TNS4: variants seen among roughly 807,000 people sequenced by gnomAD.
TNS4 encodes the protein tensin-4.
Under a neutral mutation model 70.4 loss-of-function variants are expected in TNS4, and 46 were observed. That is an observed-to-expected ratio of 0.65 (90% CI 0.52 to 0.84). The LOEUF (loss-of-function observed/expected upper bound fraction) is 0.84, where lower values mean the gene tolerates loss of function less well. Among genes scored for constraint, TNS4 ranks in the 40% least tolerant of loss-of-function variants. TNS4 has a pLI of 0.00. For missense variants in TNS4, 863 were observed against 907.0 expected (o/e 0.95, Z 0.62); for synonymous variants, 390 against 366.6 (o/e 1.06, Z -0.73).
chr17:40,501,185 G>A (rs548075150), intron 1 of TNS4, among the ~76,000 whole-genome samples: 9 of 152,206 alleles, frequency 5.9e-5, no homozygotes, highest in Admixed American at 2.0e-4. Context: ...CTGGGCTCAC[G>A]CCTGTAATTC....
chr17:40,484,761 G>T (rs1023089233), intron 5 of TNS4, 152 bp from the exon 6 acceptor site: 7 of 1,419,206 alleles, frequency 4.9e-6, no homozygotes, highest in Non-Finnish European at 6.7e-6. Context: ...TCTTGCTGTG[G>T]TTCCTACTTC....
At chr17:40,491,585 T>G (rs1409977711) in intron 2 of TNS4, among the ~76,000 whole-genome samples, 1 of 152,050 alleles carries the variant, frequency 6.6e-6, no homozygotes, top group African/African-American at 2.4e-5. Context: ...CTTGGCACAG[T>G]GAAGCTCTGG....
rs769095784 is a variant in TNS4 at position 40,478,634 on chromosome 17, C to T, written c.1925G>A (p.Arg642His). The T allele has an allele frequency of 1.8e-5, 29 of 1,613,966 alleles. No homozygotes were observed. Among genetic ancestry groups the T allele is most frequent in the Admixed American group, 3.3e-5 (2 of 59,992 alleles). Reference sequence around the variant, plus strand: ...GCGGAGGGTGGTGAGTGGGTAATGGCGCCGGAAAAACACCCTAGGAGGAGG... The same window carrying T: ...GCGGAGGGTGGTGAGTGGGTAATGGTGCCGGAAAAACACCCTAGGAGGAGG... ...TDVQRKVFFR[R>H]HYPLTTLRFC... The change falls in exon 11 of 13, where the codon CGC becomes CAC. Residue 642 changes from arginine (R) to histidine (H), a missense_variant. Arg to His is a conservative substitution (Grantham distance 29, BLOSUM62 0). Coordinates refer to ENST00000254051, the MANE Select transcript of TNS4 (RefSeq NM_032865.6).
chr17:40,495,828 T>G (rs2036135132), intron 2 of TNS4, among the ~76,000 whole-genome samples, 159 bp downstream of exon 2: 1 of 152,188 alleles, frequency 6.6e-6, no homozygotes, highest in Admixed American at 6.5e-5. Flanking sequence ...ATTTATCCCC[T>G]TTGTGTAGCA....
At position 40,479,739 on chromosome 17, in the gene TNS4, G is replaced by A. The variant is rs772411955; in HGVS notation, c.1845C>T (p.Pro615=). ...CTTTGAAGTGGACCACGGTGGGCGT[G>A]GGGAGGATGTCCCTCTCAAAGGTGG... ...ISTTFERDIL[P]TPTVVHFKVT... is the part of the protein sequence containing the mutation. The change falls in exon 10 of 13, where the codon CCC becomes CCT. Residue 615 remains proline, a synonymous_variant. Transcript: ENST00000254051. 1 of 1,614,076 alleles carries A rather than the reference G, an allele frequency of 6.2e-7. No individual in the cohort carries two copies. Among genetic ancestry groups the A allele is most frequent in the East Asian group, 2.2e-5 (1 of 44,874 alleles).
intron 8 of TNS4, among the ~76,000 whole-genome samples, chr17:40,481,774 A>G (rs944127256): frequency 3.9e-5 from 6 of 152,268 alleles, no homozygotes; most frequent in African/African-American, 1.2e-4. Flanking sequence ...TGGACCTGGA[A>G]AGAGAAAACC....
At chr17:40,483,204 ATTATT>A (rs111622473) in intron 6 of TNS4, among the ~76,000 whole-genome samples, 4 of 151,572 alleles carry the variant, frequency 2.6e-5, no homozygotes, top group African/African-American at 4.9e-5. Context: ...CGGCCTAGGG[ATTATT>A]TTATTTTATT....
intron 2 of TNS4, among the ~76,000 whole-genome samples, chr17:40,495,613 G>T (rs2036131372): frequency 6.6e-6 from 1 of 152,134 alleles, no homozygotes; most frequent in African/African-American, 2.4e-5. Context: ...TTTCAGGGGG[G>T]CCCAGGTTAG....
chr17:40,487,405 A>G lies in TNS4; in HGVS notation c.919T>C (p.Leu307=). Residue 307 remains leucine (L), a synonymous_variant, in exon 4 of 13, where the codon TTG becomes CTG. Coordinates refer to ENST00000254051, the MANE Select transcript of TNS4 (RefSeq NM_032865.6). The part of the protein sequence containing the change: ...NSSHQSSSRS[L]ESPANSSSSL... ...GAGGAAGAGTTGGCTGGACTTTCCA[A>G]GGATCTGGAAGATGACTGATGGCTG... The G allele has an allele frequency of 6.2e-7, 1 of 1,613,742 alleles. No individual in the cohort carries two copies. The highest frequency in any genetic ancestry group is 8.5e-7 in the Non-Finnish European group (1 of 1,179,716).
chr17:40,483,753 C>A (rs1310168329), intron 6 of TNS4, among the ~76,000 whole-genome samples: 1 of 152,216 alleles, frequency 6.6e-6, no homozygotes, highest in East Asian at 1.9e-4. Context: ...GGCATACTGT[C>A]AAGAACACAA....
intron 2 of TNS4, among the ~76,000 whole-genome samples, chr17:40,493,531 G>T (rs2036102576): frequency 6.6e-6 from 1 of 152,176 alleles, no homozygotes; most frequent in African/African-American, 2.4e-5. Context: ...GACCTGGCTG[G>T]GTTGTCTTAG....
At chr17:40,498,683 G>A (rs910924127) in intron 1 of TNS4, among the ~76,000 whole-genome samples, 1 of 152,016 alleles carries the variant, frequency 6.6e-6, no homozygotes, top group African/African-American at 2.4e-5. Context: ...TCACCCTCCC[G>A]AGTAGCTGGG....
chr17:40,479,644 C>G, intron 10 of TNS4, 30 bp downstream of exon 10: 1 of 1,601,756 alleles, frequency 6.2e-7, no homozygotes, highest in Non-Finnish European at 8.5e-7. Flanking sequence ...CCGCCAGCCC[C>G]GGAGCCCCAG....
chr17:40,495,747 C>T lies in TNS4; in HGVS notation c.439+240G>A, dbSNP rs147117837. Among the ~76,000 whole-genome samples, 806 of 152,232 alleles carry T rather than the reference C, an allele frequency of 5.3e-3. 5 individuals carry two copies. The highest frequency in any genetic ancestry group is 0.018 in the African/African-American group (765 of 41,538). ...GAGCTTATTTAAGTCCTCATAAAAT[C>T]ATAGAAAATCAGTATCTATCACTTT... On this transcript the variant is annotated intron_variant, in intron 2 of 12. Transcript: ENST00000254051.
At chr17:40,495,903 C>A (rs2036136064) in intron 2 of TNS4, 84 bp downstream of exon 2, 1 of 1,449,250 alleles carries the variant, frequency 6.9e-7, no homozygotes, top group Non-Finnish European at 9.3e-7. Context: ...GACAGGGTCC[C>A]CTTCTCTGTA....
At position 40,496,256 on chromosome 17, in the gene TNS4, A is replaced by C; in HGVS notation, c.170T>G (p.Val57Gly). Residue 57 changes from valine to glycine, a missense_variant, in exon 2 of 13, where the codon GTG becomes GGG. Val to Gly is a moderately radical substitution (Grantham distance 109, BLOSUM62 -3). Transcript: ENST00000254051. ...GWGAQALMAPVPCMGPPGRLQ... is the reference protein window; with the variant it reads ...GWGAQALMAPGPCMGPPGRLQ... ...TCGGCCAGGGGGCCCCATGCAGGGC[A>C]CGGGGGCCATCAGGGCCTGGGCTCC... 1 of 1,603,660 alleles carries C rather than the reference A, an allele frequency of 6.2e-7. No individual in the cohort carries two copies. The highest frequency in any genetic ancestry group is 8.5e-7 in the Non-Finnish European group (1 of 1,175,166).
chr17:40,493,166 C>CA (rs886977578), intron 2 of TNS4, among the ~76,000 whole-genome samples: 13 of 151,118 alleles, frequency 8.6e-5, no homozygotes, highest in East Asian at 1.9e-4. Flanking sequence ...GACTCTGTCT[C>CA]AAAAAAAATA....
rs1195375423 is a variant in TNS4, at chr17:40,487,085, C to A, written c.1239G>T (p.Arg413Ser). 6 of 1,614,170 alleles carry A rather than the reference C, an allele frequency of 3.7e-6. No homozygotes were observed. Among genetic ancestry groups the A allele is most frequent in the Non-Finnish European group, 5.1e-6 (6 of 1,180,032 alleles). ...ASPSNPCPAT[R>S]SNSQTLSDAP... is the part of the protein sequence containing the mutation. Reference sequence around the variant, plus strand: ...CATCTGACAGGGTCTGGCTGTTGCTCCTGGTGGCTGGACAGGGGTTGCTGG... The same window carrying A: ...CATCTGACAGGGTCTGGCTGTTGCTACTGGTGGCTGGACAGGGGTTGCTGG... The change falls in exon 4 of 13, where the codon AGG becomes AGT. Residue 413 changes from arginine (R) to serine (S), a missense_variant. Arg to Ser is a moderately radical substitution (Grantham distance 110). Transcript: ENST00000254051.
intron 12 of TNS4, 40 bp from the exon 13 acceptor site, chr17:40,477,769 G>A (rs772345765): frequency 6.2e-7 from 1 of 1,609,070 alleles, no homozygotes; most frequent in East Asian, 2.2e-5. Context: ...GTGGGACCCA[G>A]GGAGGCATCA....
Sources: allele counts gnomAD v4.1 joint callset (sites outside exome capture counted in the v4.1 genomes callset), GRCh38; gene constraint gnomAD v4.1.1; transcripts MANE v1.5; gene names NCBI Gene and HGNC (gene_info 2026-07-23, HGNC 2026-07-21).